Variants in SVIL observed in about 807,000 individuals in gnomAD.
SVIL encodes supervillin.
SVIL carries 101 observed loss-of-function variants against 240.4 expected under a neutral mutation model. The ratio of observed to expected loss-of-function variants is 0.42; its 90% confidence interval spans 0.36 to 0.50. The LOEUF (loss-of-function observed/expected upper bound fraction) is 0.50. Ranked by LOEUF, SVIL falls within the 20% of genes least tolerant of loss-of-function variation. The probability of loss-of-function intolerance (pLI) is 0.01; values close to 1 mark genes in which losing one functional copy is unlikely to be tolerated. For missense variants in SVIL, 2,512 were observed against 2,818.7 expected (o/e 0.89, Z 2.46); for synonymous variants, 999 against 1,100.0 (o/e 0.91, Z 1.82).
At chr10:29,616,673 C>T (rs1177698454) in intron 1 of SVIL, among the ~76,000 whole-genome samples, 1 of 152,132 alleles carries the variant, frequency 6.6e-6, no homozygotes, top group Non-Finnish European at 1.5e-5. Context: ...CATAAACTTC[C>T]CTTTGTTCAG....
intron 1 of SVIL, among the ~76,000 whole-genome samples, chr10:29,584,024 G>A (rs1422158554): frequency 6.6e-6 from 1 of 152,202 alleles, no homozygotes; most frequent in Non-Finnish European, 1.5e-5. Context: ...TATAAAGCCT[G>A]GGAAGAAACA....
intron 3 of SVIL, among the ~76,000 whole-genome samples, chr10:29,559,732 A>G (rs1281118867): frequency 6.6e-6 from 1 of 152,144 alleles, no homozygotes; most frequent in Non-Finnish European, 1.5e-5. Context: ...GAGTGGTACT[A>G]CTGTGGCAAT....
At chr10:29,727,804 A>G (rs927293688) in intron 1 of SVIL, among the ~76,000 whole-genome samples, 1 of 152,088 alleles carries the variant, frequency 6.6e-6, no homozygotes, top group African/African-American at 2.4e-5. Flanking sequence ...GCAGGGAACA[A>G]GTGCCAGGTG....
At position 29,554,296 on chromosome 10, in the gene SVIL, G is replaced by A. The variant is rs145471550; in HGVS notation, c.160+487C>T. On this transcript the variant is annotated intron_variant, in intron 5 of 37. Transcript: ENST00000355867. ...TGCACTCCAGCCTAGGTGACAGAGT[G>A]AGACTCTGTCTCTAAAAAAAATAAA... Among the ~76,000 whole-genome samples, 1,356 of 151,898 alleles carry A rather than the reference G, an allele frequency of 8.9e-3. 8 individuals are homozygous for A. The highest frequency in any genetic ancestry group is 0.044 in the Middle Eastern group (13 of 294).
chr10:29,490,030 A>G (rs1295688744), intron 22 of SVIL, among the ~76,000 whole-genome samples: 1 of 152,118 alleles, frequency 6.6e-6, no homozygotes, highest in Non-Finnish European at 1.5e-5. Flanking sequence ...CAAGAAAATC[A>G]CTGTTTCAGA....
chr10:29,462,794 T>C (rs184478838), intron 35 of SVIL, among the ~76,000 whole-genome samples: 211 of 152,336 alleles, frequency 1.4e-3, no homozygotes, highest in Middle Eastern at 0.014. Context: ...CAGCATCTTA[T>C]ACATCCACAT....
At chr10:29,670,598 AT>A (rs1240292991) in intron 2 of SVIL, among the ~76,000 whole-genome samples, 8 of 152,212 alleles carry the variant, frequency 5.3e-5, no homozygotes, top group African/African-American at 1.9e-4. Flanking sequence ...ATATCAAAGC[AT>A]TTATCGGCTT....
At chr10:29,625,564 C>T (rs574535104) in intron 1 of SVIL, among the ~76,000 whole-genome samples, 16 of 152,172 alleles carry the variant, frequency 1.1e-4, no homozygotes, top group African/African-American at 3.1e-4. Flanking sequence ...CCTGGGTTCA[C>T]GCCATTCTCC....
chr10:29,532,500 A>G (rs755418022), intron 8 of SVIL, 29 bp downstream of exon 8: 25 of 1,580,222 alleles, frequency 1.6e-5, no homozygotes, highest in Non-Finnish European at 2.2e-5. Context: ...CAAGTGACAC[A>G]GCTGGAGGGC....
At chr10:29,629,157 T>C (rs1957988320) in intron 1 of SVIL, among the ~76,000 whole-genome samples, 1 of 151,942 alleles carries the variant, frequency 6.6e-6, no homozygotes, top group African/African-American at 2.4e-5. Flanking sequence ...CTGAGGATGT[T>C]TTCAACACAA....
intron 2 of SVIL, among the ~76,000 whole-genome samples, chr10:29,671,410 C>T (rs1440347376): frequency 6.6e-6 from 1 of 152,224 alleles, no homozygotes; most frequent in East Asian, 1.9e-4. Context: ...TTGGAAAGAT[C>T]CGTTCTTAAA....
chr10:29,476,594 G>C (rs1162187334), intron 29 of SVIL, among the ~76,000 whole-genome samples: 2 of 152,040 alleles, frequency 1.3e-5, no homozygotes, highest in African/African-American at 4.8e-5. Context: ...GTATAAACAA[G>C]GTCTCTCACT....
At chr10:29,618,483 C>A (rs933267786) in intron 1 of SVIL, among the ~76,000 whole-genome samples, 4 of 152,148 alleles carry the variant, frequency 2.6e-5, no homozygotes, top group African/African-American at 9.7e-5. Context: ...CATGTTCAGA[C>A]CCCAGCCTTC....
At chr10:29,558,189 G>A (rs1205969235) in intron 3 of SVIL, among the ~76,000 whole-genome samples, 2 of 152,154 alleles carry the variant, frequency 1.3e-5, no homozygotes, top group Non-Finnish European at 2.9e-5. Context: ...TTTCAGTCAA[G>A]CCTAGATTCA....
chr10:29,505,919 C>T (rs1448322175), intron 17 of SVIL, among the ~76,000 whole-genome samples: 2 of 152,198 alleles, frequency 1.3e-5, no homozygotes, highest in East Asian at 1.9e-4. Context: ...CCAAAATCCA[C>T]AGATGCTCAA....
chr10:29,676,232 T>C lies in SVIL; in HGVS notation c.-301+10321A>G, dbSNP rs192711096. On this transcript the variant is annotated intron_variant, in intron 2 of 35. Coordinates refer to the SVIL transcript ENST00000375400. ...ATAAAGCCTTCTTCCCTGGCAGTAC[T>C]GATTATCTCAGTGATTGGCTTTCTG... 5.9e-5 allele frequency among the ~76,000 whole-genome samples: 9 copies of C among 152,336 alleles called. No individual in the cohort carries two copies. The East Asian group carries it at 1.7e-3, about 29-fold the overall frequency.
chr10:29,514,757 C>T (rs764615027), intron 16 of SVIL, among the ~76,000 whole-genome samples: 1 of 152,096 alleles, frequency 6.6e-6, no homozygotes, highest in East Asian at 1.9e-4. Flanking sequence ...GTTCTCCCTC[C>T]TATATCTGTC....
chr10:29,522,730 C>G, intron 15 of SVIL, 95 bp from the exon 16 acceptor site: 2 of 1,367,124 alleles, frequency 1.5e-6, no homozygotes, highest in Non-Finnish European at 2.0e-6. Context: ...GGGTTCAATC[C>G]GTGGGCACAC....
intron 29 of SVIL, among the ~76,000 whole-genome samples, chr10:29,474,461 G>A (rs894378189): frequency 1.3e-5 from 2 of 152,090 alleles, no homozygotes; most frequent in African/African-American, 4.8e-5. Context: ...CTGGTGTGGT[G>A]TTGCACACCT....
Sources: allele counts gnomAD v4.1 joint callset (sites outside exome capture counted in the v4.1 genomes callset), GRCh38; gene constraint gnomAD v4.1.1; transcripts MANE v1.5; gene names NCBI Gene and HGNC (gene_info 2026-07-23, HGNC 2026-07-21).